The following PDLIM7 variants were observed in gnomAD, a reference collection of about 807,000 sequenced individuals.
PDLIM7 encodes the protein PDZ and LIM domain protein 7.
In PDLIM7, 37 loss-of-function variants were observed where a neutral mutation model predicts 53.9. The ratio of observed to expected loss-of-function variants is 0.69; its 90% confidence interval spans 0.53 to 0.90. PDLIM7 has a LOEUF of 0.90. Among genes scored for constraint, PDLIM7 ranks in the 40% least tolerant of loss-of-function variants. The pLI, the probability that PDLIM7 is intolerant of heterozygous loss-of-function variation, is 0.00. For missense variants in PDLIM7, 617 were observed against 638.5 expected (o/e 0.97, Z 0.36); for synonymous variants, 300 against 261.3 (o/e 1.15, Z -1.43).
rs777123125 is a variant in PDLIM7 at position 177,489,385 on chromosome 5, C to A, written c.869+8G>T. ...AAAGCCAGGGTCGGACAGGAACAGG[C>A]CACCCACCGGATGACCTTGTGGCAC... On this transcript the variant is annotated splice_region_variant and intron_variant, in intron 9 of 12. Coordinates refer to ENST00000355841, the MANE Select transcript of PDLIM7 (RefSeq NM_005451.5). The A allele has an allele frequency of 6.5e-7, 1 of 1,546,348 alleles. No homozygotes were observed. The highest frequency in any genetic ancestry group is 1.2e-5 in the South Asian group (1 of 82,610).
intron 7 of PDLIM7, 34 bp downstream of exon 7, chr5:177,490,836 G>A (rs1758730054): frequency 8.7e-6 from 14 of 1,612,418 alleles, no homozygotes; most frequent in Non-Finnish European, 1.2e-5. Flanking sequence ...GAAGAGGCAG[G>A]AGGTGGGAGA....
chr5:177,488,315 G>A, intron 9 of PDLIM7, 67 bp from the exon 10 acceptor site: 2 of 1,380,832 alleles, frequency 1.4e-6, no homozygotes, highest in African/African-American at 2.9e-5. Flanking sequence ...CCCCCTTCAG[G>A]TTGACTGACC....
intron 10 of PDLIM7, chr5:177,484,549 C>G (rs1000433738): frequency 9.7e-5 from 25 of 257,760 alleles, no homozygotes; most frequent in South Asian, 7.6e-4. Context: ...GGGCCCACCC[C>G]CAAGGCACAT....
chr5:177,492,205 G>A (rs1374924609), intron 4 of PDLIM7, 200 bp downstream of exon 4: 3 of 669,146 alleles, frequency 4.5e-6, no homozygotes, highest in African/African-American at 3.7e-5. Flanking sequence ...CAGGCGGACA[G>A]ACAGGCGGAC....
chr5:177,490,594 C>A (rs758344849), intron 7 of PDLIM7: 3 of 1,544,744 alleles, frequency 1.9e-6, no homozygotes, highest in Non-Finnish European at 2.6e-6. Flanking sequence ...ATACTTTTCC[C>A]TGAGGGGCAG....
At chr5:177,491,508 C>T in intron 5 of PDLIM7, 5 of 1,085,512 alleles carry the variant, frequency 4.6e-6, no homozygotes, top group South Asian at 4.0e-5. Context: ...GTCAGAACAG[C>T]CGGGGACAAG....
At chr5:177,492,750 T>A in intron 2 of PDLIM7, 73 bp from the exon 3 acceptor site, 1 of 1,508,582 alleles carries the variant, frequency 6.6e-7, no homozygotes, top group Non-Finnish European at 9.1e-7. Flanking sequence ...GTGGTAACAC[T>A]GCCCCACCCA....
intron 2 of PDLIM7, chr5:177,495,287 C>T (rs534847248): frequency 1.3e-5 from 2 of 152,684 alleles, no homozygotes; most frequent in South Asian, 4.1e-4. Context: ...CACCCTAACC[C>T]CCACGCCCAG....
chr5:177,492,203 C>A, intron 4 of PDLIM7: 1 of 666,384 alleles, frequency 1.5e-6, no homozygotes, highest in East Asian at 2.8e-5. Context: ...GACAGGCGGA[C>A]AGACAGGCGG....
At position 177,488,219 on chromosome 5, in the gene PDLIM7, G is replaced by A. The variant is rs142108747; in HGVS notation, c.899C>T (p.Ala300Val). 1.2e-5 allele frequency: 19 copies of A among 1,609,310 alleles called. No individual in the cohort carries two copies. Among genetic ancestry groups the A allele is most frequent in the East Asian group, 4.5e-5 (2 of 44,760 alleles). ...ACACACAAACTCCTCCGGGTGGTAC[G>A]CGTGGCCCAGCGCCACCAGGTAGCG... ...RGRYLVALGH[A>V]YHPEEFVCSQ... Residue 300 changes from alanine (A) to valine (V), a missense_variant, in exon 10 of 13, where the codon GCG (alanine) becomes GTG (valine). By Grantham distance (64) the Ala-to-Val change is moderately conservative. Transcript: ENST00000355841.
chr5:177,492,809 C>G, intron 2 of PDLIM7, 132 bp from the exon 3 acceptor site: 2 of 1,007,036 alleles, frequency 2.0e-6, no homozygotes, highest in South Asian at 3.1e-5. Context: ...CAACATAGTT[C>G]TAGGCAGCTG....
At position 177,484,148 on chromosome 5, in the gene PDLIM7, A is replaced by G; in HGVS notation, c.1093T>C (p.Phe365Leu). 1 of 1,613,914 alleles carries G rather than the reference A, an allele frequency of 6.2e-7. No homozygotes were observed. The highest frequency in any genetic ancestry group is 8.5e-7 in the Non-Finnish European group (1 of 1,179,974). Reference sequence around the variant, plus strand: ...GGCGTCTTGCAGGCAGCACAGGTAAAGCAGTGCACGTGCCAGGTCATCTTC... The same window carrying G: ...GGCGTCTTGCAGGCAGCACAGGTAAGGCAGTGCACGTGCCAGGTCATCTTC... ...ALKMTWHVHC[F>L]TCAACKTPIR... The change falls in exon 11 of 13, where the codon TTT becomes CTT. Residue 365 changes from phenylalanine (F) to leucine (L), a missense_variant. Physicochemically the swap from Phe to Leu is conservative, Grantham distance 22. Transcript: ENST00000355841.
At chr5:177,484,347 A>C (rs1758333355) in intron 10 of PDLIM7, 157 bp from the exon 11 acceptor site, 9 of 843,492 alleles carry the variant, frequency 1.1e-5, no homozygotes, top group Non-Finnish European at 1.6e-5. Context: ...TCCAACTCCA[A>C]GGTCTCTGAG....
intron 2 of PDLIM7, among the ~76,000 whole-genome samples, chr5:177,493,155 C>T (rs868110009): frequency 6.6e-6 from 1 of 152,172 alleles, no homozygotes; most frequent in African/African-American, 2.4e-5. Flanking sequence ...CCGAAACCAC[C>T]GGGGGCTCTT....
chr5:177,491,960 C>T (rs966163033), intron 4 of PDLIM7, 35 bp from the exon 5 acceptor site: 5 of 375,638 alleles, frequency 1.3e-5, no homozygotes, highest in Non-Finnish European at 2.3e-5. Context: ...GGCGGGCGGG[C>T]AGGGTAAGGT....
At chr5:177,492,470 C>A in intron 3 of PDLIM7, 35 bp from the exon 4 acceptor site, 1 of 1,613,646 alleles carries the variant, frequency 6.2e-7, no homozygotes, top group Admixed American at 1.7e-5. Context: ...GCGGGCCGGG[C>A]CCGCAGGGAT....
intron 5 of PDLIM7, 79 bp downstream of exon 5, chr5:177,491,727 GA>G: frequency 1.3e-6 from 1 of 778,962 alleles, no homozygotes; most frequent in Non-Finnish European, 1.8e-6. Context: ...GCGCAGCACA[GA>G]CTGAGCAGCA....
chr5:177,493,195 G>A (rs566254772), intron 2 of PDLIM7, among the ~76,000 whole-genome samples: 12 of 152,300 alleles, frequency 7.9e-5, no homozygotes, highest in East Asian at 7.7e-4. Context: ...GCACCCTGTC[G>A]GGGGCCATCT....
At position 177,496,680 on chromosome 5, in the gene PDLIM7, G is replaced by A. The variant is rs1759090431; in HGVS notation, c.-11-157C>T. On this transcript the variant is annotated intron_variant, in intron 1 of 12. Transcript: ENST00000355841. ...TAGGAGGCAGGTATTTTGTCAGGCT[G>A]GCCTGGGCTGCTGGCTGGCGGACCT... 26 of 462,966 alleles carry A rather than the reference G, an allele frequency of 5.6e-5. 1 individual carries two copies. The South Asian group carries it at 9.2e-4, about 16-fold the overall frequency. The allele number at this position is 462,966 out of a possible 1,614,324, so 28.7% of individuals were successfully genotyped here. A position where few individuals can be genotyped will look rare whatever the true frequency, so the allele number is the denominator to read the frequency against.
Sources: allele counts gnomAD v4.1 joint callset (sites outside exome capture counted in the v4.1 genomes callset), GRCh38; gene constraint gnomAD v4.1.1; transcripts MANE v1.5; gene names NCBI Gene and HGNC (gene_info 2026-07-23, HGNC 2026-07-21).